PSAP: variants seen among roughly 807,000 people sequenced by gnomAD.
PSAP encodes the protein precursor of saposins.
A neutral mutation model predicts 66.0 loss-of-function variants in PSAP; 25 were observed. That is an observed-to-expected ratio of 0.38 (90% CI 0.28 to 0.53). The LOEUF is 0.53. Among genes scored for constraint, PSAP ranks in the 20% least tolerant of loss-of-function variants. The pLI, the probability that PSAP is intolerant of heterozygous loss-of-function variation, is 0.83. For missense variants in PSAP, 649 were observed against 668.8 expected (o/e 0.97, Z 0.33); for synonymous variants, 273 against 258.9 (o/e 1.05, Z -0.52).
intron 1 of PSAP, among the ~76,000 whole-genome samples, chr10:71,845,093 A>G (rs1402832236): frequency 6.6e-6 from 1 of 152,238 alleles, no homozygotes; most frequent in Non-Finnish European, 1.5e-5. Flanking sequence ...ATGTATGCAT[A>G]AGATAAAACA....
Position 71,819,478 on chromosome 10 carries a change from G to A in PSAP, c.1337C>T (p.Pro446Leu). The change falls in exon 11 of 14, where the codon CCT (proline) becomes CTT (leucine). Residue 446 changes from proline (P) to leucine (L), a missense_variant. Transcript: ENST00000394936. ...CCCGGGGCGTACCTGCTTCTGGTAA[G>A]GGTCTGGCAGGAAGCTGCAGCCTTT... ...LEKGCSFLPD[P>L]YQKQCDQFVA... The A allele has an allele frequency of 1.2e-6, 2 of 1,614,216 alleles. No individual in the cohort carries two copies. Among genetic ancestry groups the A allele is most frequent in the Middle Eastern group, 1.7e-4 (1 of 6,052 alleles).
intron 10 of PSAP, 40 bp from the exon 11 acceptor site, chr10:71,819,662 T>A: frequency 6.2e-7 from 1 of 1,613,954 alleles, no homozygotes; most frequent in East Asian, 2.2e-5. Flanking sequence ...GGCAGGGCCC[T>A]CCCAGACCCA....
chr10:71,827,961 A>G, intron 6 of PSAP, 53 bp downstream of exon 6: 3 of 1,611,718 alleles, frequency 1.9e-6, no homozygotes, highest in Non-Finnish European at 2.5e-6. Flanking sequence ...CAGCCTCCAC[A>G]GCCCAACTCC....
intron 1 of PSAP, among the ~76,000 whole-genome samples, chr10:71,844,543 A>G (rs1350057927): frequency 6.6e-6 from 1 of 152,090 alleles, no homozygotes; most frequent in Non-Finnish European, 1.5e-5. Flanking sequence ...GCGTGCACCC[A>G]TAATCCCAGC....
At chr10:71,847,598 G>C (rs950855269) in intron 1 of PSAP, among the ~76,000 whole-genome samples, 10 of 151,012 alleles carry the variant, frequency 6.6e-5, no homozygotes, top group African/African-American at 2.4e-4. Context: ...TCTCACAAGA[G>C]AGAGCTGCTC....
intron 5 of PSAP, 112 bp from the exon 6 acceptor site, chr10:71,828,269 G>A (rs1842433841): frequency 8.9e-7 from 1 of 1,128,966 alleles, no homozygotes; most frequent in Non-Finnish European, 1.3e-6. Flanking sequence ...CAGTTCCTAA[G>A]ATGCTTTACA....
At chr10:71,829,722 G>C (rs762978651) in intron 4 of PSAP, among the ~76,000 whole-genome samples, 1 of 152,162 alleles carries the variant, frequency 6.6e-6, no homozygotes, top group Non-Finnish European at 1.5e-5. Flanking sequence ...CAGGAGGCCA[G>C]GCGCAGTGGC....
chr10:71,844,034 AG>A, intron 1 of PSAP, among the ~76,000 whole-genome samples: 1 of 152,382 alleles, frequency 6.6e-6, no homozygotes, highest in Admixed American at 6.5e-5. Flanking sequence ...AATTACCTCT[AG>A]GATATATTGT....
chr10:71,837,058 G>A (rs560399806), intron 1 of PSAP, among the ~76,000 whole-genome samples: 5 of 152,180 alleles, frequency 3.3e-5, no homozygotes, highest in South Asian at 2.1e-4. Context: ...AAAAAGATAC[G>A]CATGGTGGAG....
At chr10:71,839,797 T>A (rs540451520) in intron 1 of PSAP, among the ~76,000 whole-genome samples, 83 of 152,190 alleles carry the variant, frequency 5.5e-4, no homozygotes, top group Admixed American at 9.2e-4. Context: ...GAGGTTGTAG[T>A]AAGCCGAGAT....
chr10:71,847,472 C>T (rs191694280), intron 1 of PSAP, among the ~76,000 whole-genome samples: 25 of 152,120 alleles, frequency 1.6e-4, no homozygotes, highest in Admixed American at 1.2e-3. Flanking sequence ...CGCTTGAACC[C>T]GGAAGGCGGA....
intron 2 of PSAP, among the ~76,000 whole-genome samples, chr10:71,833,039 C>CAAA (rs1273324060): frequency 2.1e-5 from 2 of 95,012 alleles, no homozygotes; most frequent in Non-Finnish European, 4.3e-5. Flanking sequence ...AAACAAAAAA[C>CAAA]AAAAACAGAA....
chr10:71,819,238 C>A (rs1187597779), intron 11 of PSAP, 127 bp from the exon 12 acceptor site: 1 of 1,039,406 alleles, frequency 9.6e-7, no homozygotes, highest in East Asian at 2.6e-5. Flanking sequence ...CCCACTGGGT[C>A]CTGGGGCCTC....
At chr10:71,828,473 T>C (rs1406330238) in intron 5 of PSAP, among the ~76,000 whole-genome samples, 1 of 151,992 alleles carries the variant, frequency 6.6e-6, no homozygotes, top group African/African-American at 2.4e-5. Context: ...CTGAGCAACA[T>C]GGCAAAACAA....
At chr10:71,837,264 T>A (rs1463316367) in intron 1 of PSAP, among the ~76,000 whole-genome samples, 2 of 152,190 alleles carry the variant, frequency 1.3e-5, no homozygotes, top group Non-Finnish European at 2.9e-5. Context: ...TCTCCCAGGA[T>A]GAACGACATG....
intron 4 of PSAP, among the ~76,000 whole-genome samples, chr10:71,830,268 CT>C (rs1250505301): frequency 6.6e-6 from 1 of 152,208 alleles, no homozygotes; most frequent in East Asian, 1.9e-4. Flanking sequence ...ACATTTATAG[CT>C]CTTCCTCTCC....
intron 1 of PSAP, among the ~76,000 whole-genome samples, chr10:71,840,826 G>C (rs1358533984): frequency 6.6e-6 from 1 of 152,178 alleles, no homozygotes; most frequent in Non-Finnish European, 1.5e-5. Context: ...AGTCCTCAGG[G>C]AAATTACCTT....
At chr10:71,835,387 C>T (rs562715283) in intron 1 of PSAP, among the ~76,000 whole-genome samples, 138 of 152,084 alleles carry the variant, frequency 9.1e-4, no homozygotes, top group African/African-American at 3.1e-3. Context: ...CGAGACCAGC[C>T]TGGGCAACAT....
rs1842255507 is a variant in PSAP, at chr10:71,819,700, C to A, written c.1192+14G>T. On this transcript the variant is annotated intron_variant, in intron 10 of 13. Transcript: ENST00000394936. ...AGGGGCACCATCCTCTCCCGCACCACACCCAGCGCTCACCGGTCAGTGCAG... is the reference window on the plus strand; with the variant it reads ...AGGGGCACCATCCTCTCCCGCACCAAACCCAGCGCTCACCGGTCAGTGCAG... 2 of 1,614,114 alleles carry A rather than the reference C, an allele frequency of 1.2e-6. No individual in the cohort carries two copies. The highest frequency in any genetic ancestry group is 2.7e-5 in the African/African-American group (2 of 75,044).
Sources: gnomAD v4.1 joint callset for allele counts (sites outside exome capture counted in the v4.1 genomes callset) on GRCh38, gnomAD v4.1.1 for gene constraint, MANE v1.5 for transcripts, NCBI Gene and HGNC (gene_info 2026-07-23, HGNC 2026-07-21) for gene names.